Variants in CTNNA1 observed in about 807,000 individuals in gnomAD.
CTNNA1 encodes catenin alpha 1, also known as catenin alpha-1.
CTNNA1 carries 37 observed loss-of-function variants against 98.4 expected under a neutral mutation model. The observed-to-expected ratio is 0.38, with a 90% CI of 0.29 to 0.49. The LOEUF is 0.49. Ranked by LOEUF, CTNNA1 falls within the 20% of genes least tolerant of loss-of-function variation. The probability of loss-of-function intolerance (pLI) is 0.95; values close to 1 mark genes in which losing one functional copy is unlikely to be tolerated. For synonymous variants in CTNNA1, 404 were observed against 413.2 expected, an observed-to-expected ratio of 0.98 and a Z score of 0.27; for missense variants, 761 against 1,147.2, an observed-to-expected ratio of 0.66 and a Z score of 4.86.
chr5:138,758,496 G>A (rs969466640), intron 1 of CTNNA1, among the ~76,000 whole-genome samples: 4 of 152,206 alleles, frequency 2.6e-5, no homozygotes, highest in African/African-American at 9.7e-5. Flanking sequence ...TCCTGCCTCA[G>A]CCTCGCAAAT....
chr5:138,912,259 G>T (rs1403791485), intron 10 of CTNNA1, among the ~76,000 whole-genome samples: 1 of 151,650 alleles, frequency 6.6e-6, no homozygotes, highest in East Asian at 1.9e-4. Context: ...CCAAGTGAAA[G>T]AAAAAAAAGC....
intron 9 of CTNNA1, among the ~76,000 whole-genome samples, chr5:138,897,096 C>T (rs1418832172): frequency 1.3e-5 from 2 of 151,932 alleles, no homozygotes; most frequent in East Asian, 3.9e-4. Flanking sequence ...GATTGTGTTT[C>T]ATCCTTTCCC....
At chr5:138,783,847 T>G (rs1177783487) in intron 3 of CTNNA1, among the ~76,000 whole-genome samples, 1 of 152,214 alleles carries the variant, frequency 6.6e-6, no homozygotes, top group East Asian at 1.9e-4. Flanking sequence ...AATTGTCCTA[T>G]TGTGTCAGAA....
At chr5:138,913,208 C>T (rs1013385182) in intron 10 of CTNNA1, among the ~76,000 whole-genome samples, 1 of 152,044 alleles carries the variant, frequency 6.6e-6, no homozygotes, top group Non-Finnish European at 1.5e-5. Flanking sequence ...ACCCTCCCTT[C>T]ATTTTGTATT....
intron 7 of CTNNA1, among the ~76,000 whole-genome samples, chr5:138,867,897 G>A (rs937378747): frequency 1.3e-5 from 2 of 151,870 alleles, no homozygotes; most frequent in African/African-American, 2.4e-5. Context: ...GATTACAGGC[G>A]CATACCAGGT....
At chr5:138,924,778 G>C (rs975569041) in intron 12 of CTNNA1, 68 bp downstream of exon 12, 10 of 1,366,894 alleles carry the variant, frequency 7.3e-6, no homozygotes, top group Non-Finnish European at 1.0e-5. Flanking sequence ...CACCCCATTA[G>C]CCCAGCCCTG....
intron 7 of CTNNA1, among the ~76,000 whole-genome samples, chr5:138,881,993 A>G (rs770934113): frequency 2.0e-5 from 3 of 152,240 alleles, no homozygotes; most frequent in Non-Finnish European, 2.9e-5. Flanking sequence ...AGTGACAAGG[A>G]AGCAGAGACT....
chr5:138,813,274 A>T (rs1484896934), intron 5 of CTNNA1, among the ~76,000 whole-genome samples: 2 of 152,164 alleles, frequency 1.3e-5, no homozygotes, highest in Admixed American at 6.5e-5. Flanking sequence ...TGCACATAAT[A>T]TGTCCAGTGA....
chr5:138,827,787 C>T (rs1760867712), intron 7 of CTNNA1, 69 bp downstream of exon 7: 1 of 1,574,712 alleles, frequency 6.4e-7, no homozygotes, highest in Non-Finnish European at 8.7e-7. Flanking sequence ...CATGTTGGAT[C>T]TGAGATGTTT....
At chr5:138,905,093 CAAA>C (rs781709207) in intron 10 of CTNNA1, among the ~76,000 whole-genome samples, 1 of 58,232 alleles carries the variant, frequency 1.7e-5, no homozygotes. Flanking sequence ...GACTCCGTCT[CAAA>C]AAAAAAAAAA....
chr5:138,833,941 G>A (rs964754156), intron 7 of CTNNA1, among the ~76,000 whole-genome samples: 2 of 152,098 alleles, frequency 1.3e-5, no homozygotes, highest in Non-Finnish European at 2.9e-5. Flanking sequence ...GGTTGGACTG[G>A]ATGTATATTT....
chr5:138,901,209 G>A (rs1286516723), intron 9 of CTNNA1, among the ~76,000 whole-genome samples: 1 of 151,984 alleles, frequency 6.6e-6, no homozygotes, highest in Non-Finnish European at 1.5e-5. Context: ...CCAGGCTGGA[G>A]TGCAGTGGCG....
At chr5:138,785,357 G>A (rs954881362) in intron 3 of CTNNA1, among the ~76,000 whole-genome samples, 27 of 152,074 alleles carry the variant, frequency 1.8e-4, no homozygotes, top group Admixed American at 7.2e-4. Context: ...CATCGCGCCC[G>A]GCCTAATTTA....
At chr5:138,903,679 G>A (rs570872673) in intron 9 of CTNNA1, among the ~76,000 whole-genome samples, 15 of 152,278 alleles carry the variant, frequency 9.9e-5, no homozygotes, top group South Asian at 6.2e-4. Context: ...AAATTAAGCC[G>A]CATCAGCCAG....
intron 1 of CTNNA1, among the ~76,000 whole-genome samples, chr5:138,756,223 G>A (rs1048010967): frequency 1.3e-5 from 2 of 151,760 alleles, no homozygotes; most frequent in Admixed American, 6.6e-5. Flanking sequence ...ATTTTTGATA[G>A]AGAGGGTTTC....
chr5:138,858,093 T>A (rs1252169076), intron 7 of CTNNA1, among the ~76,000 whole-genome samples: 1 of 151,888 alleles, frequency 6.6e-6, no homozygotes, highest in African/African-American at 2.4e-5. Flanking sequence ...CTCTAAACAC[T>A]GTCCCATATG....
chr5:138,921,331 A>C (rs530200731), intron 11 of CTNNA1, among the ~76,000 whole-genome samples: 26 of 152,306 alleles, frequency 1.7e-4, no homozygotes, highest in Non-Finnish European at 3.2e-4. Flanking sequence ...TGCTTAGAGA[A>C]GCTCTAATTG....
intron 16 of CTNNA1, 67 bp downstream of exon 16, chr5:138,931,002 C>A: frequency 2.0e-6 from 2 of 1,020,096 alleles, no homozygotes; most frequent in Non-Finnish European, 3.1e-6. Flanking sequence ...CAGCCTGGTC[C>A]ATTCAGGGTA....
At chr5:138,807,951 A>G (rs1368372864) in intron 3 of CTNNA1, among the ~76,000 whole-genome samples, 1 of 151,938 alleles carries the variant, frequency 6.6e-6, no homozygotes, top group Non-Finnish European at 1.5e-5. Context: ...GAGTTTCACC[A>G]TGTTGGCCAG....
Sources: allele counts gnomAD v4.1 joint callset (sites outside exome capture counted in the v4.1 genomes callset), GRCh38; gene constraint gnomAD v4.1.1; transcripts MANE v1.5; gene names NCBI Gene and HGNC (gene_info 2026-07-23, HGNC 2026-07-21).